Variants in MBD5 observed in about 807,000 individuals in gnomAD.
MBD5 encodes the protein methyl-CpG binding domain protein 5, also known as methyl-CpG-binding domain protein 5.
A neutral mutation model predicts 117.3 loss-of-function variants in MBD5; 13 were observed. The ratio of observed to expected loss-of-function variants is 0.11; its 90% confidence interval spans 0.07 to 0.18. The LOEUF (loss-of-function observed/expected upper bound fraction) is 0.18. Ranked by LOEUF, MBD5 falls within the 10% of genes least tolerant of loss-of-function variation. The pLI, the probability that MBD5 is intolerant of heterozygous loss-of-function variation, is 1.00. For missense variants in MBD5, 1,879 were observed against 2,093.8 expected (o/e 0.90, Z 2.00); for synonymous variants, 727 against 766.4 (o/e 0.95, Z 0.85).
intron 1 of MBD5, among the ~76,000 whole-genome samples, chr2:148,105,077 T>G (rs1229449565): frequency 6.6e-6 from 1 of 152,176 alleles, no homozygotes; most frequent in Admixed American, 6.5e-5. Context: ...TGAGTCAGTT[T>G]CAGTAAGCTG....
At chr2:148,142,736 G>C (rs1697348745) in intron 1 of MBD5, among the ~76,000 whole-genome samples, 1 of 152,154 alleles carries the variant, frequency 6.6e-6, no homozygotes, top group African/African-American at 2.4e-5. Context: ...CCTAACAACA[G>C]AGCCTTCAGG....
chr2:148,402,203 A>T (rs6749083), intron 4 of MBD5, among the ~76,000 whole-genome samples: 2 of 151,906 alleles, frequency 1.3e-5, no homozygotes, highest in East Asian at 3.9e-4. Flanking sequence ...TATCCTCTTT[A>T]TTCCTAAACT....
chr2:148,039,205 T>G (rs1362470452), intron 1 of MBD5, among the ~76,000 whole-genome samples: 1 of 152,120 alleles, frequency 6.6e-6, no homozygotes, highest in Non-Finnish European at 1.5e-5. Context: ...TTTCTTTAGG[T>G]ATCCCATATC....
At chr2:148,374,266 C>CACACAA (rs1470189161) in intron 4 of MBD5, among the ~76,000 whole-genome samples, 13 of 151,690 alleles carry the variant, frequency 8.6e-5, no homozygotes, top group African/African-American at 2.7e-4. Flanking sequence ...CACACACACA[C>CACACAA]ACACACACAC....
Position 148,468,722 on chromosome 2 carries a change from C to A in MBD5, c.779C>A (p.Ala260Asp), listed in dbSNP as rs746178722. The A allele has an allele frequency of 1.2e-6, 2 of 1,613,914 alleles. No homozygotes were observed. The highest frequency in any genetic ancestry group is 1.7e-5 in the Admixed American group (1 of 59,996). Residue 260 changes from alanine (A) to aspartate (D), a missense_variant, in exon 8 of 14, where the codon GCT becomes GAT. By Grantham distance (126) the Ala-to-Asp change is moderately radical (BLOSUM62 -2). This residue lies in a region of MBD5 where 1,666 missense variants were observed against 1,792.2 expected (regional missense o/e 0.93). Transcript: ENST00000642680. ...AGAAGTAATCCTGGTTTTCATGGAG[C>A]TCCCAATTCTAGTCCTATTCACCTG... ...FTRSNPGFHG[A>D]PNSSPIHLNR...
At chr2:148,340,557 C>T (rs537164863) in intron 3 of MBD5, among the ~76,000 whole-genome samples, 16 of 151,814 alleles carry the variant, frequency 1.1e-4, no homozygotes, top group East Asian at 1.9e-4. Flanking sequence ...GACTTGATAT[C>T]GATATGTAGT....
intron 3 of MBD5, among the ~76,000 whole-genome samples, chr2:148,289,500 C>G (rs1701448804): frequency 6.6e-6 from 1 of 152,020 alleles, no homozygotes. Flanking sequence ...GTATGCCATA[C>G]CTACATTGGA....
chr2:148,023,068 G>A (rs936675236), intron 1 of MBD5, among the ~76,000 whole-genome samples: 1 of 149,316 alleles, frequency 6.7e-6, no homozygotes, highest in Admixed American at 6.7e-5. Flanking sequence ...TCTTTCGCTC[G>A]CTCTCTCTCC....
chr2:148,424,342 A>AAT (rs1705711651), intron 4 of MBD5, among the ~76,000 whole-genome samples: 2 of 151,978 alleles, frequency 1.3e-5, no homozygotes, highest in Non-Finnish European at 2.9e-5. Flanking sequence ...AATTATCCTA[A>AAT]ATATATATGC....
chr2:148,102,735 G>C (rs1448427282), intron 1 of MBD5, among the ~76,000 whole-genome samples: 4,161 of 42,716 alleles, frequency 0.097, 118 homozygotes, highest in African/African-American at 0.17. Context: ...CACACAGAGA[G>C]AGAGAGAGAG....
intron 3 of MBD5, among the ~76,000 whole-genome samples, chr2:148,266,539 A>G (rs1032585664): frequency 9.9e-5 from 15 of 152,112 alleles, no homozygotes; most frequent in Non-Finnish European, 2.2e-4. Flanking sequence ...TGCAGTAATA[A>G]AAAGAGAAAG....
At chr2:148,274,403 G>A (rs1342522548) in intron 3 of MBD5, among the ~76,000 whole-genome samples, 4 of 121,076 alleles carry the variant, frequency 3.3e-5, no homozygotes, top group East Asian at 2.9e-4. Flanking sequence ...GACAGGCCCC[G>A]GTCACACATC....
At chr2:148,076,307 G>A (rs1695508706) in intron 1 of MBD5, among the ~76,000 whole-genome samples, 1 of 152,094 alleles carries the variant, frequency 6.6e-6, no homozygotes, top group South Asian at 2.1e-4. Context: ...ATAATGATTG[G>A]TAGTATATCA....
At chr2:148,175,690 G>C (rs1478926292) in intron 1 of MBD5, among the ~76,000 whole-genome samples, 1 of 152,220 alleles carries the variant, frequency 6.6e-6, no homozygotes, top group Non-Finnish European at 1.5e-5. Context: ...GACTGCTGGA[G>C]TTTGAAATCC....
chr2:148,195,258 G>C (rs1207396750), intron 2 of MBD5, among the ~76,000 whole-genome samples: 2 of 152,026 alleles, frequency 1.3e-5, no homozygotes, highest in Admixed American at 6.6e-5. Context: ...AGAAAGTCAA[G>C]GTGGCTAAAA....
intron 8 of MBD5, among the ~76,000 whole-genome samples, chr2:148,475,109 T>G (rs1170796848): frequency 6.6e-6 from 1 of 152,134 alleles, no homozygotes; most frequent in Non-Finnish European, 1.5e-5. Flanking sequence ...AGGAAGAGCC[T>G]CCTTGAAGGC....
intron 1 of MBD5, chr2:148,028,515 A>G (rs1249801243): frequency 1.3e-5 from 2 of 152,110 alleles, no homozygotes; most frequent in Non-Finnish European, 2.9e-5. Flanking sequence ...TGTTTTTTAT[A>G]CACCATGAGT....
chr2:148,446,876 G>C (rs998391040), intron 4 of MBD5, among the ~76,000 whole-genome samples: 3 of 152,010 alleles, frequency 2.0e-5, no homozygotes, highest in Non-Finnish European at 2.9e-5. Context: ...GTATACCTTT[G>C]AAAGACTTGA....
chr2:148,322,140 A>C (rs1183651294), intron 3 of MBD5, among the ~76,000 whole-genome samples: 1 of 152,218 alleles, frequency 6.6e-6, no homozygotes, highest in Non-Finnish European at 1.5e-5. Flanking sequence ...TACATAAGCA[A>C]ATTTCTACAG....
Sources: allele counts gnomAD v4.1 joint callset (sites outside exome capture counted in the v4.1 genomes callset), GRCh38; gene constraint gnomAD v4.1.1; regional missense constraint gnomAD v4.1.1; transcripts MANE v1.5; gene names NCBI Gene and HGNC (gene_info 2026-07-23, HGNC 2026-07-21).